KNTC1: variants seen among roughly 807,000 people sequenced by gnomAD.
KNTC1 encodes the protein kinetochore-associated protein 1.
A neutral mutation model predicts 314.4 loss-of-function variants in KNTC1; 253 were observed. That is an observed-to-expected ratio of 0.80 (90% confidence interval 0.73 to 0.89). The LOEUF (loss-of-function observed/expected upper bound fraction) is 0.89. Ranked by LOEUF, KNTC1 falls within the 40% of genes least tolerant of loss-of-function variation. The pLI is 0.00. For missense variants in KNTC1, 2,475 were observed against 2,572.9 expected, an observed-to-expected ratio of 0.96 and a Z score of 0.82; for synonymous variants, 901 against 901.4, an observed-to-expected ratio of 1.00 and a Z score of 0.01.
chr12:122,591,648 T>G (rs1042043365), intron 42 of KNTC1, among the ~76,000 whole-genome samples, 195 bp downstream of exon 42: 2 of 152,140 alleles, frequency 1.3e-5, no homozygotes, highest in Non-Finnish European at 2.9e-5. Context: ...TCTGTATTTT[T>G]AAGGAAATTA....
At position 122,588,713 on chromosome 12, in the gene KNTC1, T is replaced by G; in HGVS notation, c.3896T>G (p.Leu1299Ter). ...NFMNATLSEK[L>*]FGETTLVKSR... Reference sequence around the variant, plus strand: ...TATTTTTTTCTTCTTTTCTAAAAGTTATTTGGAGAGACTACATTAGTTAAA... The same window carrying G: ...TATTTTTTTCTTCTTTTCTAAAAGTGATTTGGAGAGACTACATTAGTTAAA... Residue 1299 changes from leucine to a stop codon, truncating the protein, a stop_gained and splice_region_variant, in exon 40 of 64, where the codon TTA becomes TGA. Transcript: ENST00000333479. LOFTEE classifies it high-confidence loss of function. The G allele has an allele frequency of 6.6e-7, 1 of 1,509,508 alleles. No homozygotes were observed. Among genetic ancestry groups the G allele is most frequent in the Non-Finnish European group, 8.8e-7 (1 of 1,129,978 alleles). 93.5% of individuals were successfully genotyped at this position (1,509,508 alleles called of 1,614,324 possible).
chr12:122,546,626 AAAG>A lies in KNTC1; in HGVS notation c.772_774del (p.Lys258del). The A allele has an allele frequency of 1.9e-6, 3 of 1,580,320 alleles. No individual in the cohort carries two copies. Among genetic ancestry groups the A allele is most frequent in the Non-Finnish European group, 2.6e-6 (3 of 1,156,686 alleles). ...ATCTTATTTTCTCTTTTGTAGGTGC[AAAG>A]AAGTTCCAGCTGATAGACAATCTAC... On this transcript the variant is annotated inframe_deletion, in exon 10 of 64. Coordinates refer to ENST00000333479, the MANE Select transcript of KNTC1 (RefSeq NM_014708.6).
In KNTC1 at chr12:122,622,696, C is replaced by T. The variant is rs185298794; in HGVS notation, c.6515+89C>T. The stretch of plus-strand genomic sequence containing the variant: ...GGGCACGATGGCTCACGACTGTAAT[C>T]CTAGCACTTTGGGAAGCTGAGGTGG... On this transcript the variant is annotated intron_variant, in intron 62 of 63. Coordinates refer to ENST00000333479, the MANE Select transcript of KNTC1 (RefSeq NM_014708.6). The T allele has an allele frequency of 5.4e-6, 6 of 1,113,956 alleles. No homozygotes were observed. The East Asian group carries it at 1.6e-4, about 30-fold the overall frequency. 69.0% of individuals were successfully genotyped at this position (1,113,956 alleles called of 1,614,324 possible). A position where few individuals can be genotyped will look rare whatever the true frequency, so the allele number is the denominator to read the frequency against.
At chr12:122,618,271 C>A in intron 57 of KNTC1, 72 bp from the exon 58 acceptor site, 1 of 1,398,220 alleles carries the variant, frequency 7.2e-7, no homozygotes, top group Non-Finnish European at 1.0e-6. Context: ...CGCGCCTGGC[C>A]TAGACTGCAA....
intron 24 of KNTC1, among the ~76,000 whole-genome samples, chr12:122,572,082 T>C (rs749221017): frequency 2.6e-5 from 4 of 152,160 alleles, no homozygotes; most frequent in African/African-American, 7.2e-5. Context: ...TTAGCAGCAT[T>C]TCACAATCCT....
rs749420792 is a variant in KNTC1, at chr12:122,590,669, A to C, written c.4062A>C (p.Gln1354His). The change falls in exon 41 of 64, where the codon CAA becomes CAC. Residue 1354 changes from glutamine (Q) to histidine (H), a missense_variant. By Grantham distance (24) the Gln-to-His change is conservative. Coordinates refer to ENST00000333479, the MANE Select transcript of KNTC1 (RefSeq NM_014708.6). ...LALGYCTLLP[Q>H]KDVFENLWKL... Reference sequence around the variant, plus strand: ...TGGGTTACTGCACTCTCTTACCTCAAAAAGATGTGTTTGAAAATCTCTGGA... The same window carrying C: ...TGGGTTACTGCACTCTCTTACCTCACAAAGATGTGTTTGAAAATCTCTGGA... 5.6e-6 allele frequency: 9 copies of C among 1,613,792 alleles called. No individual in the cohort carries two copies. Among genetic ancestry groups the C allele is most frequent in the Non-Finnish European group, 7.6e-6 (9 of 1,179,778 alleles).
At position 122,615,620 on chromosome 12, in the gene KNTC1, C is replaced by T. The variant is rs1297625735; in HGVS notation, c.6030+94C>T. ...GGACACTGGATTAAGCAGTCAGCTC[C>T]TTCTTAAATAACAGAACTGAGCCAA... is the stretch of plus-strand genomic sequence containing the variant. On this transcript the variant is annotated intron_variant, in intron 57 of 63. Coordinates refer to ENST00000333479, the MANE Select transcript of KNTC1 (RefSeq NM_014708.6). The T allele has an allele frequency of 7.5e-6, 9 of 1,204,506 alleles. No homozygotes were observed. The African/African-American group carries it at 1.2e-4, about 17-fold the overall frequency. 74.6% of individuals were successfully genotyped at this position (1,204,506 alleles called of 1,614,324 possible).
intron 42 of KNTC1, chr12:122,593,716 C>T (rs1380810207): frequency 6.6e-6 from 1 of 151,652 alleles, no homozygotes; most frequent in Non-Finnish European, 1.5e-5. Flanking sequence ...GTGATCCTCC[C>T]AGCTTAGCCT....
intron 60 of KNTC1, 75 bp downstream of exon 60, chr12:122,620,683 G>A (rs537471384): frequency 1.5e-5 from 22 of 1,491,526 alleles, no homozygotes; most frequent in East Asian, 1.2e-4. Flanking sequence ...GCAAAAGGTC[G>A]CATTTTCATT....
chr12:122,619,637 C>A (rs956676532), intron 59 of KNTC1, among the ~76,000 whole-genome samples: 3 of 151,896 alleles, frequency 2.0e-5, no homozygotes, highest in Admixed American at 2.0e-4. Context: ...TGGTCTCGAT[C>A]TCCTGACCTC....
chr12:122,569,952 G>C, intron 22 of KNTC1, 128 bp downstream of exon 22: 1 of 755,074 alleles, frequency 1.3e-6, no homozygotes, highest in Non-Finnish European at 2.1e-6. Context: ...GTTAATTAAA[G>C]TGTCTCTTAA....
chr12:122,556,093 A>G (rs544233280), intron 16 of KNTC1, among the ~76,000 whole-genome samples: 10 of 150,636 alleles, frequency 6.6e-5, no homozygotes, highest in African/African-American at 2.4e-4. Flanking sequence ...GCTCACTACA[A>G]CCTCCACCTA....
At chr12:122,534,296 C>T (rs756110779) in intron 2 of KNTC1, among the ~76,000 whole-genome samples, 1 of 152,178 alleles carries the variant, frequency 6.6e-6, no homozygotes, top group South Asian at 2.1e-4. Flanking sequence ...CTCCAGTTCA[C>T]AGTTCACCAC....
At position 122,610,888 on chromosome 12, in the gene KNTC1, A is replaced by G; in HGVS notation, c.5610A>G (p.Thr1870=). The G allele has an allele frequency of 6.2e-7, 1 of 1,610,556 alleles. No homozygotes were observed. The highest frequency in any genetic ancestry group is 8.5e-7 in the Non-Finnish European group (1 of 1,176,848). ...YSSRMLFVFA[T]STTTTLGMHQ... ...CAAGAATGCTGTTTGTATTTGCAACATCAACTACAACCGTAAGCTCTAGAA... is the reference window on the plus strand; with the variant it reads ...CAAGAATGCTGTTTGTATTTGCAACGTCAACTACAACCGTAAGCTCTAGAA... Residue 1870 remains threonine (T), a synonymous_variant, in exon 53 of 64, where the codon ACA becomes ACG. Coordinates refer to ENST00000333479, the MANE Select transcript of KNTC1 (RefSeq NM_014708.6).
intron 40 of KNTC1, 42 bp downstream of exon 40, chr12:122,588,858 T>C (rs1047928242): frequency 5.9e-6 from 8 of 1,358,864 alleles, no homozygotes; most frequent in African/African-American, 1.5e-5. Flanking sequence ...TGTTTTTTTT[T>C]TGCCTTTTAC....
chr12:122,561,619 A>G (rs1037233126), intron 18 of KNTC1, among the ~76,000 whole-genome samples: 5 of 151,710 alleles, frequency 3.3e-5, no homozygotes, highest in Non-Finnish European at 7.4e-5. Flanking sequence ...GTGCCTGGTT[A>G]ATTTTTTATA....
rs1320421692 is a variant in KNTC1 at position 122,574,345 on chromosome 12, G to T, written c.2347G>T (p.Ala783Ser). 1 of 1,611,264 alleles carries T rather than the reference G, an allele frequency of 6.2e-7. No homozygotes were observed. Among genetic ancestry groups the T allele is most frequent in the South Asian group, 1.1e-5 (1 of 90,838 alleles). Residue 783 changes from alanine to serine, a missense_variant, in exon 27 of 64, where the codon GCC becomes TCC. Ala to Ser is a moderately conservative substitution (Grantham distance 99). Transcript: ENST00000333479. ...SLFETAWEAK[A>S]MAVIACLSDT... Reference sequence around the variant, plus strand: ...CTTTGAAACAGCATGGGAAGCAAAGGCCATGGCAGTAATAGCGTGTTTATC... The same window carrying T: ...CTTTGAAACAGCATGGGAAGCAAAGTCCATGGCAGTAATAGCGTGTTTATC...
At chr12:122,620,426 T>TTTCC in intron 59 of KNTC1, 53 bp from the exon 60 acceptor site, 1 of 1,553,222 alleles carries the variant, frequency 6.4e-7, no homozygotes. Flanking sequence ...GAAAGGCCAA[T>TTTCC]ATAATCTAGT....
intron 53 of KNTC1, among the ~76,000 whole-genome samples, chr12:122,612,510 C>T (rs550131403): frequency 1.1e-3 from 170 of 150,468 alleles, no homozygotes; most frequent in African/African-American, 3.8e-3. Flanking sequence ...ACCTCCGCCT[C>T]CGGGTTCAAA....
Sources: gnomAD v4.1 joint callset for allele counts (sites outside exome capture counted in the v4.1 genomes callset) on GRCh38, gnomAD v4.1.1 for gene constraint, MANE v1.5 for transcripts, NCBI Gene and HGNC (gene_info 2026-07-23, HGNC 2026-07-21) for gene names.